GLS2: variants seen among roughly 807,000 people sequenced by gnomAD.
The protein encoded by GLS2 is glutaminase 2.
A neutral mutation model predicts 79.0 loss-of-function variants in GLS2; 52 were observed. The observed-to-expected ratio is 0.66, with a 90% confidence interval of 0.53 to 0.83. The LOEUF (loss-of-function observed/expected upper bound fraction) is 0.83. Among genes scored for constraint, GLS2 ranks in the 40% least tolerant of loss-of-function variants. The pLI is 0.00. For missense variants in GLS2, 561 were observed against 764.8 expected, an observed-to-expected ratio of 0.73 and a Z score of 3.14; for synonymous variants, 238 against 280.8, an observed-to-expected ratio of 0.85 and a Z score of 1.52.
Position 56,473,340 on chromosome 12 carries a change from A to G in GLS2, c.1357-20T>C. 6.2e-7 allele frequency: 1 copy of G among 1,613,566 alleles called. No individual in the cohort carries two copies. Among genetic ancestry groups the G allele is most frequent in the Non-Finnish European group, 8.5e-7 (1 of 1,179,660 alleles). ...CAACTTCTAGAATTGTAAGCCAAAT[A>G]TATTGTTTATTTACTCCTTACACTT... On this transcript the variant is annotated intron_variant, in intron 13 of 17. Transcript: ENST00000311966.
At chr12:56,477,561 G>T in intron 7 of GLS2, 99 bp downstream of exon 7, 1 of 1,240,086 alleles carries the variant, frequency 8.1e-7, no homozygotes, top group Non-Finnish European at 1.1e-6. Context: ...AGGAATCAGA[G>T]CCCCACCAGT....
In GLS2 at chr12:56,472,723, G is replaced by A; in HGVS notation, c.1478C>T (p.Ala493Val). The A allele has an allele frequency of 7.4e-6, 12 of 1,613,794 alleles. No homozygotes were observed. Among genetic ancestry groups the A allele is most frequent in the South Asian group, 1.1e-5 (1 of 91,070 alleles). Residue 493 changes from alanine to valine, a missense_variant, in exon 15 of 18, where the codon GCT becomes GTT. Physicochemically the swap from Ala to Val is moderately conservative, Grantham distance 64. This residue lies in a region of GLS2 where 136 missense variants were observed against 228.6 expected (regional missense o/e 0.59). Coordinates refer to ENST00000311966, the MANE Select transcript of GLS2 (RefSeq NM_013267.4). ...AGCTGAGACATCGCCACTATAGGCA[G>A]CAAATAACAGGTTGACCACAGTCTT... ...RNKTVVNLLF[A>V]AYSGDVSALR... is the part of the protein sequence containing the mutation.
intron 1 of GLS2, among the ~76,000 whole-genome samples, chr12:56,484,726 C>T (rs2136195908): frequency 6.6e-6 from 1 of 152,238 alleles, no homozygotes; most frequent in East Asian, 1.9e-4. Flanking sequence ...GCATATCCCT[C>T]AGATATGGAT....
At chr12:56,486,465 CT>C (rs1278307649) in intron 1 of GLS2, among the ~76,000 whole-genome samples, 1 of 152,124 alleles carries the variant, frequency 6.6e-6, no homozygotes, top group Non-Finnish European at 1.5e-5. Flanking sequence ...AGGGCTTATC[CT>C]TTAAATGTTC....
At chr12:56,487,621 C>T in intron 1 of GLS2, 1 of 435,124 alleles carries the variant, frequency 2.3e-6, no homozygotes. Context: ...GGACTGGCGG[C>T]GTGAGCCCGG....
At chr12:56,480,011 G>A in intron 2 of GLS2, 110 bp from the exon 3 acceptor site, 1 of 1,398,048 alleles carries the variant, frequency 7.2e-7, no homozygotes, top group East Asian at 2.3e-5. Context: ...ACTACAATAG[G>A]TGGAACAAAT....
intron 12 of GLS2, chr12:56,474,278 G>A (rs1401413710): frequency 1.2e-5 from 5 of 432,354 alleles, no homozygotes; most frequent in Admixed American, 1.1e-4. Flanking sequence ...TAGTAGAGAT[G>A]GGGTTTCACC....
Position 56,474,730 on chromosome 12 carries a change from C to G in GLS2, c.1048-10G>C. The G allele has an allele frequency of 6.2e-7, 1 of 1,608,016 alleles. No homozygotes were observed. The highest frequency in any genetic ancestry group is 8.5e-7 in the Non-Finnish European group (1 of 1,176,146). On this transcript the variant is annotated splice_polypyrimidine_tract_variant and intron_variant, in intron 11 of 17. Transcript: ENST00000311966. Reference sequence around the variant, plus strand: ...CCTCCACAGAACACAGCTATGAAAACAAAGAATAGGTGAAGATGTGACGTG... The same window carrying G: ...CCTCCACAGAACACAGCTATGAAAAGAAAGAATAGGTGAAGATGTGACGTG...
intron 7 of GLS2, 104 bp downstream of exon 7, chr12:56,477,556 T>A: frequency 8.3e-7 from 1 of 1,198,128 alleles, no homozygotes; most frequent in Admixed American, 2.2e-5. Flanking sequence ...CTCAAAGGAA[T>A]CAGAGCCCCA....
chr12:56,488,042 G>T lies in GLS2; in HGVS notation c.77C>A (p.Pro26Gln). 2 of 1,591,032 alleles carry T rather than the reference G, an allele frequency of 1.3e-6. No individual in the cohort carries two copies. Among genetic ancestry groups the T allele is most frequent in the East Asian group, 2.3e-5 (1 of 44,406 alleles). Residue 26 changes from proline (P) to glutamine (Q), a missense_variant, in exon 1 of 18, where the codon CCG becomes CAG. Pro to Gln is a moderately conservative substitution (Grantham distance 76). Around this residue, in one of 4 missense-constraint regions of GLS2, gnomAD observed 161 missense variants for 167.8 expected, o/e 0.96. Transcript: ENST00000311966. ...SHCGRGGWGH[P>Q]SRSPLLGGGV... ...CCCGCCAAGGAGGGGGCTCCGGCTC[G>T]GGTGACCCCAGCCTCCTCGCCCGCA... is the stretch of plus-strand genomic sequence containing the variant.
rs1869996925 is a variant in GLS2, at chr12:56,478,218, C to A, written c.579G>T (p.Leu193=). The part of the protein sequence containing the change: ...IPQLAKSNPD[L]WGVSLCTVDG... ...CCACAGTGCACAGGGAGACACCCCA[C>A]AGGTCTGGGTTTGACTTGGCCAGCT... The change falls in exon 5 of 18, where the codon CTG becomes CTT. Residue 193 remains leucine, a synonymous_variant. Transcript: ENST00000311966. The A allele has an allele frequency of 6.2e-7, 1 of 1,614,116 alleles. No individual in the cohort carries two copies. The highest frequency in any genetic ancestry group is 1.1e-5 in the South Asian group (1 of 91,090).
In GLS2 at chr12:56,472,150, C is replaced by T. The variant is rs116401557; in HGVS notation, c.1557G>A (p.Ser519=). 4.2e-4 allele frequency: 681 copies of T among 1,614,138 alleles called. No homozygotes were observed. Among genetic ancestry groups the T allele is most frequent in the Non-Finnish European group, 4.5e-4 (534 of 1,180,010 alleles). ...CTGCAGCAACATGCAGAGCTGTGCGCGAGTCATAGTCTTTCTGTTCCATAT... is the reference window on the plus strand; with the variant it reads ...CTGCAGCAACATGCAGAGCTGTGCGTGAGTCATAGTCTTTCTGTTCCATAT... ...AMDMEQKDYD[S]RTALHVAAAE... is the part of the protein sequence containing the mutation. The change falls in exon 16 of 18, where the codon TCG becomes TCA. Residue 519 remains serine (S), a synonymous_variant. Transcript: ENST00000311966.
At chr12:56,472,058 T>G (rs1041538135) in intron 16 of GLS2, 61 bp downstream of exon 16, 46 of 1,561,994 alleles carry the variant, frequency 2.9e-5, no homozygotes, top group Non-Finnish European at 4.0e-5. Context: ...GAAGGTACTT[T>G]TGGTGAAAAA....
At position 56,488,112 on chromosome 12, in the gene GLS2, A is replaced by T; in HGVS notation, c.7T>A (p.Ser3Thr). The T allele has an allele frequency of 6.5e-7, 1 of 1,544,972 alleles. No individual in the cohort carries two copies. Among genetic ancestry groups the T allele is most frequent in the Non-Finnish European group, 8.7e-7 (1 of 1,152,656 alleles). Residue 3 changes from serine to threonine, a missense_variant, in exon 1 of 18, where the codon TCC becomes ACC. By Grantham distance (58) the Ser-to-Thr change is moderately conservative. Around this residue, in one of 4 missense-constraint regions of GLS2, gnomAD observed 161 missense variants for 167.8 expected, o/e 0.96. Coordinates refer to ENST00000311966, the MANE Select transcript of GLS2 (RefSeq NM_013267.4). ...AGGGCCTTCTGCAGAGCCTTCATGG[A>T]GCGCATGCCCCAGCAAGCCTCCGGC... Reference protein sequence around the residue: MRSMKALQKALSR... With the variant: MRTMKALQKALSR...
chr12:56,474,631 A>G lies in GLS2; in HGVS notation c.1137T>C (p.Ser379=), dbSNP rs776159597. Residue 379 remains serine, a synonymous_variant, in exon 12 of 18, where the codon AGT becomes AGC. Transcript: ENST00000311966. The stretch of plus-strand genomic sequence containing the variant: ...TGCGCACTGCTTCAGCACTCAGCAC[A>G]CTCTCGCCTGTGATGGGGCAGATCC... ...NGGICPITGE[S]VLSAEAVRNT... 3.1e-6 allele frequency: 5 copies of G among 1,614,126 alleles called. No individual in the cohort carries two copies. The highest frequency in any genetic ancestry group is 2.2e-5 in the South Asian group (2 of 91,086).
At chr12:56,472,225 G>A (rs1206103319) in intron 15 of GLS2, 30 bp from the exon 16 acceptor site, 1 of 1,599,206 alleles carries the variant, frequency 6.3e-7, no homozygotes. Flanking sequence ...AGCTAGAGTT[G>A]CCTAGATCAG....
chr12:56,479,405 G>A, intron 3 of GLS2: 2 of 489,242 alleles, frequency 4.1e-6, no homozygotes, highest in Middle Eastern at 5.4e-4. Flanking sequence ...TGGGATATGA[G>A]AAAAAAAATA....
intron 1 of GLS2, among the ~76,000 whole-genome samples, chr12:56,486,484 C>G (rs1870695600): frequency 6.6e-6 from 1 of 152,158 alleles, no homozygotes. Flanking sequence ...TTCTGTGTCT[C>G]TTTAAGAAGA....
Position 56,478,919 on chromosome 12 carries a change from G to C in GLS2, c.534+133C>G, listed in dbSNP as rs562645028. The C allele has an allele frequency of 1.3e-5, 14 of 1,114,474 alleles. No individual in the cohort carries two copies. The African/African-American group carries it at 2.2e-4, about 18-fold the overall frequency. 69.0% of individuals were successfully genotyped at this position (1,114,474 alleles called of 1,614,324 possible). ...GAATCGCTTGAACCTGGGAGGTGGA[G>C]GTTGCAGTGAGCTGAGATTGCACCA... On this transcript the variant is annotated intron_variant, in intron 4 of 17. Coordinates refer to ENST00000311966, the MANE Select transcript of GLS2 (RefSeq NM_013267.4).
Sources: gnomAD v4.1 joint callset for allele counts (sites outside exome capture counted in the v4.1 genomes callset) on GRCh38, gnomAD v4.1.1 for gene constraint, gnomAD v4.1.1 regional missense constraint, MANE v1.5 for transcripts, NCBI Gene and HGNC (gene_info 2026-07-23, HGNC 2026-07-21) for gene names.